Variants in VEGFC observed in about 807,000 individuals in gnomAD.
VEGFC encodes the protein FLT4 ligand DHM.
A neutral mutation model predicts 46.1 loss-of-function variants in VEGFC; 12 were observed. The ratio of observed to expected loss-of-function variants is 0.26; its 90% CI spans 0.17 to 0.42. The LOEUF (loss-of-function observed/expected upper bound fraction) is 0.42. VEGFC is among the 10% of genes least tolerant of loss of function. The pLI is 1.00. For missense variants in VEGFC, 488 were observed against 529.4 expected, an observed-to-expected ratio of 0.92 and a Z score of 0.77; for synonymous variants, 232 against 195.5, an observed-to-expected ratio of 1.19 and a Z score of -1.56.
chr4:176,721,928 G>T (rs960442041), intron 3 of VEGFC, among the ~76,000 whole-genome samples: 3 of 152,084 alleles, frequency 2.0e-5, no homozygotes, highest in African/African-American at 4.8e-5. Flanking sequence ...TGCAGAGAAG[G>T]TGTCTTAGGT....
chr4:176,687,858 A>T lies in VEGFC; in HGVS notation c.774T>A (p.Ala258=). Residue 258 remains alanine, a synonymous_variant, in exon 5 of 7, where the codon GCT becomes GCA. Transcript: ENST00000618562. Reference sequence around the variant, plus strand: ...CCGAGGAAAACATAAAATCTTCCTGAGCCAGGCATCTGCAGATGTGATTAT... The same window carrying T: ...CCGAGGAAAACATAAAATCTTCCTGTGCCAGGCATCTGCAGATGTGATTAT... The part of the protein sequence containing the change: ...MWNNHICRCL[A]QEDFMFSSDA... 12 of 1,613,744 alleles carry T rather than the reference A, an allele frequency of 7.4e-6. No individual in the cohort carries two copies. Among genetic ancestry groups the T allele is most frequent in the Non-Finnish European group, 7.6e-6 (9 of 1,179,856 alleles).
intron 1 of VEGFC, among the ~76,000 whole-genome samples, chr4:176,780,252 G>A (rs986652604): frequency 1.4e-4 from 22 of 151,752 alleles, no homozygotes; most frequent in African/African-American, 5.1e-4. Context: ...ATGGTGGTGC[G>A]TGCCTGTAAT....
intron 4 of VEGFC, among the ~76,000 whole-genome samples, chr4:176,695,722 A>G (rs1411502783): frequency 6.6e-6 from 1 of 151,906 alleles, no homozygotes; most frequent in African/African-American, 2.4e-5. Context: ...TTGATGCAAA[A>G]ATCCTCAATA....
At chr4:176,790,181 C>G (rs550669956) in intron 1 of VEGFC, among the ~76,000 whole-genome samples, 1 of 152,236 alleles carries the variant, frequency 6.6e-6, no homozygotes, top group East Asian at 1.9e-4. Flanking sequence ...CCTGTCAAGG[C>G]TCTATTCACC....
chr4:176,772,379 A>C (rs1404383405), intron 1 of VEGFC, among the ~76,000 whole-genome samples: 1 of 152,156 alleles, frequency 6.6e-6, no homozygotes, highest in Non-Finnish European at 1.5e-5. Flanking sequence ...CTGGAATTTT[A>C]ATCTTTTGGA....
At chr4:176,786,635 A>G (rs1211768516) in intron 1 of VEGFC, among the ~76,000 whole-genome samples, 2 of 152,188 alleles carry the variant, frequency 1.3e-5, no homozygotes, top group Non-Finnish European at 2.9e-5. Context: ...TTTCTCCAAA[A>G]TGATTATAAG....
rs1734063107 is a variant in VEGFC, at chr4:176,687,385, T to C, written c.947A>G (p.Gln316Arg). The change falls in exon 6 of 7, where the codon CAG becomes CGG. Residue 316 changes from glutamine (Q) to arginine (R), a missense_variant. Transcript: ENST00000618562. ...PHKELDRNSC[Q>R]CVCKNKLFPS... ...GAAGAGTTTGTTTTTACAGACACAC[T>C]GGCATGAGTTTCTGTCTAGTTCTTT... 2 of 1,614,082 alleles carry C rather than the reference T, an allele frequency of 1.2e-6. No homozygotes were observed. Among genetic ancestry groups the C allele is most frequent in the South Asian group, 2.2e-5 (2 of 91,088 alleles).
At chr4:176,688,448 A>T (rs1286180657) in intron 4 of VEGFC, among the ~76,000 whole-genome samples, 1 of 152,214 alleles carries the variant, frequency 6.6e-6, no homozygotes, top group Non-Finnish European at 1.5e-5. Flanking sequence ...ATGTAAATGT[A>T]TCTTTACTGA....
Position 176,792,177 on chromosome 4 carries a change from C to A in VEGFC, c.135G>T (p.Ala45=), listed in dbSNP as rs1371842149. The A allele has an allele frequency of 1.3e-6, 2 of 1,514,414 alleles. No homozygotes were observed. Among genetic ancestry groups the A allele is most frequent in the Non-Finnish European group, 1.8e-6 (2 of 1,135,546 alleles). The allele number at this position is 1,514,414 out of a possible 1,614,324, so 93.8% of individuals were successfully genotyped here. A position where few individuals can be genotyped will look rare whatever the true frequency, so the allele number is the denominator to read the frequency against. The change falls in exon 1 of 7, where the codon GCG becomes GCT. Residue 45 remains alanine (A), a synonymous_variant. Coordinates refer to ENST00000618562, the MANE Select transcript of VEGFC (RefSeq NM_005429.5). The surrounding 1 kb of genome is among the most constrained non-coding windows in gnomAD (Gnocchi z 6.3). The part of the protein sequence containing the change: ...GLDLSDAEPD[A]GEATAYASKD... The stretch of plus-strand genomic sequence containing the variant: ...AACGCAGACCTACCGTGGCCTCGCC[C>A]GCGTCGGGCTCCGCGTCCGAGAGGT...
intron 4 of VEGFC, among the ~76,000 whole-genome samples, chr4:176,697,938 G>C (rs1340853253): frequency 1.3e-5 from 2 of 150,850 alleles, no homozygotes; most frequent in Admixed American, 6.6e-5. Context: ...TGAACAATGA[G>C]ATCACATGGA....
chr4:176,781,016 G>T (rs1220609378), intron 1 of VEGFC, among the ~76,000 whole-genome samples: 1 of 152,086 alleles, frequency 6.6e-6, no homozygotes, highest in Non-Finnish European at 1.5e-5. Flanking sequence ...AACAGAGCAG[G>T]CTTCACTGCT....
chr4:176,699,443 C>T (rs1009043732), intron 4 of VEGFC, among the ~76,000 whole-genome samples: 6 of 152,208 alleles, frequency 3.9e-5, no homozygotes, highest in African/African-American at 1.4e-4. Context: ...ATGCCAACTG[C>T]TGATGTTATC....
At chr4:176,689,103 G>C (rs552276540) in intron 4 of VEGFC, among the ~76,000 whole-genome samples, 1 of 152,022 alleles carries the variant, frequency 6.6e-6, no homozygotes, top group South Asian at 2.1e-4. Flanking sequence ...ATCTAATGTT[G>C]GTGTAGACAT....
At chr4:176,743,044 T>C (rs975011865) in intron 1 of VEGFC, among the ~76,000 whole-genome samples, 1 of 152,004 alleles carries the variant, frequency 6.6e-6, no homozygotes, top group East Asian at 1.9e-4. Context: ...AAGAAGCAGA[T>C]ACTGAAGGCC....
intron 1 of VEGFC, among the ~76,000 whole-genome samples, chr4:176,730,730 A>G (rs576129993): frequency 5.8e-4 from 88 of 152,244 alleles, no homozygotes; most frequent in African/African-American, 1.8e-3. Flanking sequence ...TTAACAGATT[A>G]TAGTTTTCCT....
intron 1 of VEGFC, among the ~76,000 whole-genome samples, chr4:176,768,340 A>C (rs1031832602): frequency 1.6e-4 from 25 of 151,892 alleles, no homozygotes; most frequent in African/African-American, 5.8e-4. Flanking sequence ...TGAGCCCTGA[A>C]CACTTCGACA....
intron 1 of VEGFC, among the ~76,000 whole-genome samples, chr4:176,737,107 T>C (rs1281217288): frequency 6.6e-6 from 1 of 150,604 alleles, no homozygotes; most frequent in African/African-American, 2.4e-5. Context: ...CCCACTTTAT[T>C]GTATTAACTA....
intron 1 of VEGFC, among the ~76,000 whole-genome samples, chr4:176,767,186 T>G (rs1735643282): frequency 6.8e-6 from 1 of 147,152 alleles, no homozygotes; most frequent in Non-Finnish European, 1.5e-5. Flanking sequence ...AACAGGCATT[T>G]TATAAAAGAG....
intron 4 of VEGFC, among the ~76,000 whole-genome samples, chr4:176,702,093 C>T (rs981412410): frequency 6.6e-5 from 10 of 152,102 alleles, no homozygotes; most frequent in Non-Finnish European, 1.0e-4. Flanking sequence ...ACCAAAAACA[C>T]GGAGACCTCA....
Sources: allele counts gnomAD v4.1 joint callset (sites outside exome capture counted in the v4.1 genomes callset), GRCh38; gene constraint gnomAD v4.1.1; non-coding constraint Gnocchi (gnomAD v3.1); transcripts MANE v1.5; gene names NCBI Gene and HGNC (gene_info 2026-07-23, HGNC 2026-07-21).